PDE6B: variants seen among roughly 807,000 people sequenced by gnomAD.
The protein encoded by PDE6B is phosphodiesterase 6B.
A neutral mutation model predicts 109.0 loss-of-function variants in PDE6B; 106 were observed. That is an observed-to-expected ratio of 0.97 (90% confidence interval 0.83 to 1.14). The LOEUF (loss-of-function observed/expected upper bound fraction) is 1.14, where lower values mean the gene tolerates loss of function less well. Ranked by LOEUF, PDE6B falls within the 50% of genes most tolerant of loss-of-function variation. The probability of loss-of-function intolerance (pLI) is 0.00; values close to 1 mark genes in which losing one functional copy is unlikely to be tolerated. For synonymous variants in PDE6B, 490 were observed against 471.3 expected (o/e 1.04, Z -0.51); for missense variants, 1,193 against 1,155.6 (o/e 1.03, Z -0.47).
In PDE6B at chr4:634,704, G is replaced by A. The variant is rs115775983; in HGVS notation, c.496G>A (p.Glu166Lys). 18,985 of 1,613,082 alleles carry A rather than the reference G, an allele frequency of 0.012. 115 individuals are homozygous for A. Among genetic ancestry groups the A allele is most frequent in the Non-Finnish European group, 0.014 (16,125 of 1,179,076 alleles). ...ECPHFSSFAD[E>K]LTDYKTKNML... ...CCCTCACTTCAGCTCATTTGCTGACGAGCTCACTGACTACAAGACAAAGAA... is the reference window on the plus strand; with the variant it reads ...CCCTCACTTCAGCTCATTTGCTGACAAGCTCACTGACTACAAGACAAAGAA... Residue 166 changes from glutamate (E) to lysine (K), a missense_variant, in exon 2 of 22, where the codon GAG becomes AAG. Transcript: ENST00000496514.
In PDE6B at chr4:667,976, G is replaced by A. The variant is rs1737996215; in HGVS notation, c.2473G>A (p.Glu825Lys). ...CAAAGTGAAGGCTCTGGAGGAGAAG[G>A]AGGAGGAGGAGAGGGTGGCAGCCAA... Reference protein sequence around the residue: ...EAKVKALEEKEEEERVAAKKV... With the variant: ...EAKVKALEEKKEEERVAAKKV... Residue 825 changes from glutamate (E) to lysine (K), a missense_variant, in exon 21 of 22, where the codon GAG becomes AAG. Coordinates refer to ENST00000496514, the MANE Select transcript of PDE6B (RefSeq NM_000283.4). The A allele has an allele frequency of 6.3e-7, 1 of 1,588,236 alleles. No individual in the cohort carries two copies. Among genetic ancestry groups the A allele is most frequent in the Non-Finnish European group, 8.6e-7 (1 of 1,160,384 alleles).
intron 3 of PDE6B, among the ~76,000 whole-genome samples, chr4:642,020 C>T (rs1734969449): frequency 6.6e-6 from 1 of 152,206 alleles, no homozygotes; most frequent in Non-Finnish European, 1.5e-5. Context: ...AGTTTTATTT[C>T]TTCCTTCTCA....
At chr4:635,251 C>G (rs575493978) in intron 2 of PDE6B, among the ~76,000 whole-genome samples, 1 of 140,332 alleles carries the variant, frequency 7.1e-6, no homozygotes, top group Admixed American at 7.2e-5. Context: ...GCCTGCCCGC[C>G]TGCCTGCGTG....
chr4:666,172 GTGTC>G lies in PDE6B; in HGVS notation c.2269-356_2269-353del, dbSNP rs1306025093. ...GCACAGCGAGGTCCTGGTCAGCCGA[GTGTC>G]TGGGCAGTGCAGCCCAGCCCGGCTC... is the stretch of plus-strand genomic sequence containing the variant. On this transcript the variant is annotated intron_variant, in intron 19 of 21. Coordinates refer to ENST00000496514, the MANE Select transcript of PDE6B (RefSeq NM_000283.4). The surrounding 1 kb of genome is among the most constrained non-coding windows in gnomAD (Gnocchi z 5.6). Among the ~76,000 whole-genome samples the G allele has an allele frequency of 2.0e-5, 3 of 152,124 alleles. No individual in the cohort carries two copies. Among genetic ancestry groups the G allele is most frequent in the African/African-American group, 7.2e-5 (3 of 41,422 alleles).
rs1181092856 is a variant in PDE6B at position 637,360 on chromosome 4, A to T, written c.711+1391A>T. 2.6e-5 allele frequency among the ~76,000 whole-genome samples: 4 copies of T among 151,912 alleles called. No homozygotes were observed. The East Asian group carries it at 7.7e-4, about 29-fold the overall frequency. On this transcript the variant is annotated intron_variant, in intron 3 of 21. Coordinates refer to ENST00000496514, the MANE Select transcript of PDE6B (RefSeq NM_000283.4). ...CTCAGCCTCCCGAGTAGCTGGGATC[A>T]CAGACATGTGCCTCCAGGCCTGGCT...
At chr4:640,006 TA>T (rs1201898038) in intron 3 of PDE6B, among the ~76,000 whole-genome samples, 1 of 149,910 alleles carries the variant, frequency 6.7e-6, no homozygotes, top group Admixed American at 6.6e-5. Context: ...TCCAAAAAAA[TA>T]AAAAAAGTGA....
intron 5 of PDE6B, 140 bp from the exon 6 acceptor site, chr4:654,684 C>T: frequency 7.8e-6 from 6 of 773,142 alleles, no homozygotes; most frequent in Non-Finnish European, 1.4e-5. Flanking sequence ...CATCTGTTCA[C>T]GTGTGTACAC....
chr4:647,107 C>T (rs1422257740), intron 3 of PDE6B, among the ~76,000 whole-genome samples: 2 of 152,002 alleles, frequency 1.3e-5, no homozygotes, highest in African/African-American at 4.8e-5. Context: ...AACTGCCCGC[C>T]TCAGCCTCCC....
chr4:647,407 G>T (rs952912200), intron 3 of PDE6B, among the ~76,000 whole-genome samples: 2 of 152,092 alleles, frequency 1.3e-5, no homozygotes, highest in East Asian at 3.9e-4. Flanking sequence ...AGCAGCTTCC[G>T]CGCCCTTGTT....
Position 626,117 on chromosome 4 carries a change from G to A in PDE6B, c.468+23G>A, listed in dbSNP as rs1437668730. ...GAGGTGGGTCTGTGCGGAGCCTCAG[G>A]GAGGCGGCTGTGTGCATCTCTTGCA... On this transcript the variant is annotated intron_variant, in intron 1 of 21. Coordinates refer to ENST00000496514, the MANE Select transcript of PDE6B (RefSeq NM_000283.4). This position sits in a 1 kb window ranked among gnomAD's most constrained non-coding sequence, Gnocchi z 4.6. 7.1e-7 allele frequency: 1 copy of A among 1,408,304 alleles called. No individual in the cohort carries two copies. The highest frequency in any genetic ancestry group is 1.4e-5 in the African/African-American group (1 of 70,710). 87.2% of individuals were successfully genotyped at this position (1,408,304 alleles called of 1,614,324 possible). A position where few individuals can be genotyped will look rare whatever the true frequency, so the allele number is the denominator to read the frequency against.
chr4:644,515 C>T (rs1735105289), intron 3 of PDE6B, among the ~76,000 whole-genome samples: 1 of 151,720 alleles, frequency 6.6e-6, no homozygotes, highest in Admixed American at 6.6e-5. Flanking sequence ...ATTCGAATAA[C>T]AGTGTTTTTG....
chr4:662,217 C>A lies in PDE6B; in HGVS notation c.1698C>A (p.Ala566=), dbSNP rs1490573982. The change falls in exon 13 of 22, where the codon GCC becomes GCA. Residue 566 remains alanine, a synonymous_variant. Transcript: ENST00000496514. This position sits in a 1 kb window ranked among gnomAD's most constrained non-coding sequence, Gnocchi z 4.3. ...YHNWRHGFNV[A]QTMFTLLMTG... ...ACTGGCGCCACGGCTTCAACGTGGCCCAGACGATGTTCACGCTGCTCATGG... is the reference window on the plus strand; with the variant it reads ...ACTGGCGCCACGGCTTCAACGTGGCACAGACGATGTTCACGCTGCTCATGG... 2.6e-6 allele frequency: 4 copies of A among 1,567,836 alleles called. No homozygotes were observed. The highest frequency in any genetic ancestry group is 3.5e-6 in the Non-Finnish European group (4 of 1,153,964).
In PDE6B at chr4:636,525, C is replaced by T. The variant is rs1338762120; in HGVS notation, c.711+556C>T. The stretch of plus-strand genomic sequence containing the variant: ...TGACCTCCAGGGCAGGTGGTCCTCC[C>T]GTCTGAGACCCTGGCTCAGGGGAGA... On this transcript the variant is annotated intron_variant, in intron 3 of 21. Transcript: ENST00000496514. This position sits in a 1 kb window ranked among gnomAD's most constrained non-coding sequence, Gnocchi z 4.5. Among the ~76,000 whole-genome samples, 1 of 152,084 alleles carries T rather than the reference C, an allele frequency of 6.6e-6. No individual in the cohort carries two copies. Among genetic ancestry groups the T allele is most frequent in the African/African-American group, 2.4e-5 (1 of 41,418 alleles).
chr4:656,530 G>A (rs1237253127), intron 8 of PDE6B, among the ~76,000 whole-genome samples: 1 of 150,488 alleles, frequency 6.6e-6, no homozygotes, highest in Non-Finnish European at 1.5e-5. Flanking sequence ...ACACCCCTGC[G>A]AGGCCGTGAC....
rs762521803 is a variant in PDE6B, at chr4:636,699, G to A, written c.711+730G>A. Among the ~76,000 whole-genome samples, 7 of 152,198 alleles carry A rather than the reference G, an allele frequency of 4.6e-5. No homozygotes were observed. The highest frequency in any genetic ancestry group is 1.3e-4 in the Admixed American group (2 of 15,284). ...CTTCTCCGTGTCTTGTTCTGCCTGCGGATGCTGCCTGGCCCTGGTCACCTG... is the reference window on the plus strand; with the variant it reads ...CTTCTCCGTGTCTTGTTCTGCCTGCAGATGCTGCCTGGCCCTGGTCACCTG... On this transcript the variant is annotated intron_variant, in intron 3 of 21. Coordinates refer to ENST00000496514, the MANE Select transcript of PDE6B (RefSeq NM_000283.4). The surrounding 1 kb of genome is among the most constrained non-coding windows in gnomAD (Gnocchi z 4.5).
intron 3 of PDE6B, among the ~76,000 whole-genome samples, chr4:638,357 C>T (rs1734792711): frequency 6.6e-6 from 1 of 152,098 alleles, no homozygotes; most frequent in South Asian, 2.1e-4. Context: ...GGGTCTTACT[C>T]TTGTCATTCA....
intron 16 of PDE6B, 27 bp from the exon 17 acceptor site, chr4:664,087 T>A: frequency 1.3e-6 from 2 of 1,484,836 alleles, no homozygotes; most frequent in Non-Finnish European, 1.9e-6. Context: ...TGCTCCCACC[T>A]GCACCTCCCT....
At position 664,866 on chromosome 4, in the gene PDE6B, G is replaced by A. The variant is rs765410161; in HGVS notation, c.2130-15G>A. 9.9e-6 allele frequency: 16 copies of A among 1,611,042 alleles called. No homozygotes were observed. The highest frequency in any genetic ancestry group is 2.2e-5 in the East Asian group (1 of 44,882). Reference sequence around the variant, plus strand: ...GAGACGCCCATCAGCACTCGTGCCCGGTTTGTGTCTGCAGGGCCATGATGA... The same window carrying A: ...GAGACGCCCATCAGCACTCGTGCCCAGTTTGTGTCTGCAGGGCCATGATGA... On this transcript the variant is annotated splice_polypyrimidine_tract_variant and intron_variant, in intron 17 of 21. Transcript: ENST00000496514.
chr4:640,863 A>G (rs1005200926), intron 3 of PDE6B, among the ~76,000 whole-genome samples: 1 of 152,198 alleles, frequency 6.6e-6, no homozygotes, highest in Non-Finnish European at 1.5e-5. Context: ...TGGTGAGTCT[A>G]TTCCTGAGCT....
Sources: allele counts gnomAD v4.1 joint callset (sites outside exome capture counted in the v4.1 genomes callset), GRCh38; gene constraint gnomAD v4.1.1; non-coding constraint Gnocchi (gnomAD v3.1); transcripts MANE v1.5; gene names NCBI Gene and HGNC (gene_info 2026-07-23, HGNC 2026-07-21).